Variants in PARG observed in about 807,000 individuals in gnomAD.
PARG encodes the protein mitochondrial poly(ADP-ribose) glycohydrolase.
A neutral mutation model predicts 113.0 loss-of-function variants in PARG; 35 were observed. The observed-to-expected ratio is 0.31, with a 90% CI of 0.24 to 0.41. The LOEUF is 0.41. PARG is among the 10% of genes least tolerant of loss of function. The probability of loss-of-function intolerance (pLI) is 1.00; values close to 1 mark genes in which losing one functional copy is unlikely to be tolerated. For synonymous variants in PARG, 330 were observed against 409.9 expected (o/e 0.81, Z 2.36); for missense variants, 797 against 1,169.4 (o/e 0.68, Z 4.64).
intron 10 of PARG, among the ~76,000 whole-genome samples, chr10:49,866,234 A>G (rs2664623): frequency 4.6e-5 from 7 of 152,140 alleles, no homozygotes; most frequent in East Asian, 1.9e-4. Context: ...AGGCCATGCC[A>G]TTTCTGTTTT....
In PARG at chr10:49,879,698, T is replaced by C; in HGVS notation, c.1963A>G (p.Ser655Gly). The change falls in exon 9 of 18, where the codon AGT (serine) becomes GGT (glycine). Residue 655 changes from serine to glycine, a missense_variant. Physicochemically the swap from Ser to Gly is moderately conservative, Grantham distance 56 (BLOSUM62 0). This residue lies in a region of PARG where 252 missense variants were observed against 437.4 expected (regional missense o/e 0.58). Coordinates refer to ENST00000616448, the MANE Select transcript of PARG (RefSeq NM_003631.5). ...CGATTGAAGTTAATGTCTGGGTAACTAGAATACTCCGATTTCATCTTAGCA... is the reference window on the plus strand; with the variant it reads ...CGATTGAAGTTAATGTCTGGGTAACCAGAATACTCCGATTTCATCTTAGCA... ...RNAKMKSEYS[S>G]YPDINFNRLF... The C allele has an allele frequency of 6.4e-6, 10 of 1,557,442 alleles. No homozygotes were observed. The highest frequency in any genetic ancestry group is 8.7e-6 in the Non-Finnish European group (10 of 1,149,622).
In PARG at chr10:49,920,591, T is replaced by C. The variant is rs556460544; in HGVS notation, c.1662+1745A>G. ...ATATACGTGTATATATATACACATA[T>C]ATACATATATACGTACATATATACG... On this transcript the variant is annotated intron_variant, in intron 6 of 17. Coordinates refer to ENST00000616448, the MANE Select transcript of PARG (RefSeq NM_003631.5). Among the ~76,000 whole-genome samples, 4 of 145,350 alleles carry C rather than the reference T, an allele frequency of 2.8e-5. No homozygotes were observed. The South Asian group carries it at 8.5e-4, about 31-fold the overall frequency.
At chr10:49,862,143 G>A (rs1170760900) in intron 11 of PARG, among the ~76,000 whole-genome samples, 1 of 150,276 alleles carries the variant, frequency 6.7e-6, no homozygotes. Flanking sequence ...CAGAAATTCT[G>A]AACAATGGTA....
chr10:49,883,464 G>A (rs1306618937), intron 8 of PARG, among the ~76,000 whole-genome samples: 1 of 149,464 alleles, frequency 6.7e-6, no homozygotes, highest in Non-Finnish European at 1.5e-5. Flanking sequence ...CCCTGTGGAG[G>A]TTTGAAAATA....
chr10:49,917,587 G>A lies in PARG; in HGVS notation c.1663-1596C>T, dbSNP rs565068714. On this transcript the variant is annotated intron_variant, in intron 6 of 17. Transcript: ENST00000616448. ...TAATCATAGCACACTCCGGGAGGCC[G>A]AGGCAGGTGAATCGCTTGAGTCCAG... 1.1e-4 allele frequency among the ~76,000 whole-genome samples: 17 copies of A among 151,712 alleles called. No individual in the cohort carries two copies. The South Asian group carries it at 2.7e-3, about 24-fold the overall frequency.
chr10:49,867,074 T>C (rs1554837039), intron 10 of PARG: 1 of 152,164 alleles, frequency 6.6e-6, no homozygotes, highest in African/African-American at 2.4e-5. Context: ...TATCTTACCA[T>C]AGGTCTAGAC....
At chr10:49,855,969 AAG>A in intron 13 of PARG, among the ~76,000 whole-genome samples, 1 of 144,054 alleles carries the variant, frequency 6.9e-6, no homozygotes. Flanking sequence ...GTGCCTGATT[AAG>A]AGTTTCTTAA....
At chr10:49,826,783 G>A (rs1844379188) in intron 16 of PARG, among the ~76,000 whole-genome samples, 1 of 152,138 alleles carries the variant, frequency 6.6e-6, no homozygotes, top group African/African-American at 2.4e-5. Context: ...GTATTTTTGT[G>A]GCATTTTAAA....
At chr10:49,906,524 G>A (rs1344477901) in intron 7 of PARG, among the ~76,000 whole-genome samples, 5 of 152,052 alleles carry the variant, frequency 3.3e-5, no homozygotes, top group Admixed American at 6.6e-5. Flanking sequence ...GTCAAAGACC[G>A]ACTCTGACAG....
chr10:49,859,024 T>C (rs1313885381), intron 12 of PARG, among the ~76,000 whole-genome samples: 1 of 150,794 alleles, frequency 6.6e-6, no homozygotes, highest in Non-Finnish European at 1.5e-5. Context: ...TGTTACTATG[T>C]ATTTGATACT....
chr10:49,825,181 T>G (rs1844292370), intron 16 of PARG, among the ~76,000 whole-genome samples: 1 of 152,158 alleles, frequency 6.6e-6, no homozygotes, highest in South Asian at 2.1e-4. Context: ...CCAACTCTTA[T>G]TCTCCAATTG....
At chr10:49,886,946 A>G (rs1339180020) in intron 7 of PARG, among the ~76,000 whole-genome samples, 3 of 152,206 alleles carry the variant, frequency 2.0e-5, no homozygotes, top group South Asian at 4.1e-4. Context: ...ACAGGTATGC[A>G]CTAAAGATAC....
At chr10:49,840,254 G>A (rs1845159719) in intron 15 of PARG, among the ~76,000 whole-genome samples, 1 of 151,968 alleles carries the variant, frequency 6.6e-6, no homozygotes, top group Non-Finnish European at 1.5e-5. Context: ...CAGGTGTGGT[G>A]GTGCACACCT....
intron 7 of PARG, among the ~76,000 whole-genome samples, chr10:49,906,144 C>CA (rs1554844906): frequency 3.2e-4 from 36 of 111,074 alleles, no homozygotes; most frequent in Admixed American, 1.9e-3. Context: ...GATGCTGCCG[C>CA]TTTTTTTTTT....
intron 7 of PARG, among the ~76,000 whole-genome samples, chr10:49,892,607 A>C (rs1165297447): frequency 6.6e-6 from 1 of 152,236 alleles, no homozygotes; most frequent in Non-Finnish European, 1.5e-5. Context: ...AATATGGTGA[A>C]GTTAAAATAA....
At chr10:49,839,578 CTT>C (rs1845124787) in intron 15 of PARG, among the ~76,000 whole-genome samples, 1 of 152,160 alleles carries the variant, frequency 6.6e-6, no homozygotes, top group Non-Finnish European at 1.5e-5. Context: ...TCACATATAT[CTT>C]TTAAATTTCT....
At chr10:49,910,919 C>T (rs1837142746) in intron 7 of PARG, among the ~76,000 whole-genome samples, 2 of 152,010 alleles carry the variant, frequency 1.3e-5, no homozygotes, top group South Asian at 4.1e-4. Context: ...TCAGTTACTA[C>T]AGCTTTAATG....
At chr10:49,874,013 G>A (rs1375570382) in intron 9 of PARG, among the ~76,000 whole-genome samples, 2 of 147,396 alleles carry the variant, frequency 1.4e-5, no homozygotes, top group Admixed American at 1.4e-4. Flanking sequence ...TAGTCATGAG[G>A]TAAGAATTAT....
intron 7 of PARG, among the ~76,000 whole-genome samples, chr10:49,887,545 C>A (rs1847555696): frequency 6.6e-6 from 1 of 152,154 alleles, no homozygotes; most frequent in South Asian, 2.1e-4. Context: ...TGGAAACATA[C>A]AAGTCTTTTG....
Sources: gnomAD v4.1 joint callset for allele counts (sites outside exome capture counted in the v4.1 genomes callset) on GRCh38, gnomAD v4.1.1 for gene constraint, gnomAD v4.1.1 regional missense constraint, MANE v1.5 for transcripts, NCBI Gene and HGNC (gene_info 2026-07-23, HGNC 2026-07-21) for gene names.